Variants in ZNF691 observed in about 807,000 individuals in gnomAD.
ZNF691 encodes the protein zinc finger protein 691.
Under a neutral mutation model 24.1 loss-of-function variants are expected in ZNF691, and 11 were observed. The ratio of observed to expected loss-of-function variants is 0.46; its 90% confidence interval spans 0.29 to 0.75. The LOEUF (loss-of-function observed/expected upper bound fraction) is 0.75, where lower values mean the gene tolerates loss of function less well. ZNF691 is among the 30% of genes least tolerant of loss of function. The pLI, the probability that ZNF691 is intolerant of heterozygous loss-of-function variation, is 0.11. For missense variants in ZNF691, 356 were observed against 409.0 expected (o/e 0.87, Z 1.12); for synonymous variants, 149 against 153.9 (o/e 0.97, Z 0.23).
intron 1 of ZNF691, among the ~76,000 whole-genome samples, chr1:42,847,198 C>G (rs867533406): frequency 3.9e-5 from 6 of 152,200 alleles, no homozygotes; most frequent in Non-Finnish European, 7.3e-5. Context: ...GCACCTTGCT[C>G]TTGGTCTTTC....
rs1225207720 is a variant in ZNF691 at position 42,851,963 on chromosome 1, C to G, written c.*150C>G. 8.0e-7 allele frequency: 1 copy of G among 1,246,430 alleles called. No homozygotes were observed. Among genetic ancestry groups the G allele is most frequent in the Non-Finnish European group, 1.2e-6 (1 of 869,192 alleles). The allele number at this position is 1,246,430 out of a possible 1,614,324, so 77.2% of individuals were successfully genotyped here. A position where few individuals can be genotyped will look rare whatever the true frequency, so the allele number is the denominator to read the frequency against. ...TGTATAGCCTCTGAAGTCAGGATCT[C>G]AGGAAGTCCTGAGGAGGGACTCTGG... On this transcript the variant is annotated 3_prime_UTR_variant, in exon 4 of 4. Coordinates refer to ENST00000651192, the MANE Select transcript of ZNF691 (RefSeq NM_001242739.2). This position sits in a 1 kb window ranked among gnomAD's most constrained non-coding sequence, Gnocchi z 4.7.
At chr1:42,850,792 A>G in intron 3 of ZNF691, 158 bp from the exon 4 acceptor site, 2 of 1,549,240 alleles carry the variant, frequency 1.3e-6, no homozygotes, top group Non-Finnish European at 1.7e-6. Flanking sequence ...AAAGGTAGCA[A>G]GTAAAGGTAT....
chr1:42,850,586 A>T, intron 3 of ZNF691: 1 of 1,510,022 alleles, frequency 6.6e-7, no homozygotes, highest in East Asian at 2.5e-5. Flanking sequence ...GTTAGGCAGA[A>T]AAATTGAACT....
chr1:42,846,657 G>A lies in ZNF691; in HGVS notation c.-218G>A, dbSNP rs1450784479. The A allele has an allele frequency of 6.6e-6, 1 of 152,440 alleles. No individual in the cohort carries two copies. The highest frequency in any genetic ancestry group is 1.5e-5 in the Non-Finnish European group (1 of 68,220). 9.4% of individuals were successfully genotyped at this position (152,440 alleles called of 1,614,324 possible). On this transcript the variant is annotated splice_region_variant and 5_prime_UTR_variant, in exon 1 of 4. Coordinates refer to ENST00000651192, the MANE Select transcript of ZNF691 (RefSeq NM_001242739.2). The stretch of plus-strand genomic sequence containing the variant: ...GTCCCTGATCGAGCGGCGGGAGCGA[G>A]GTGGGTCCGGGTTGGGCCCGAGGTC...
intron 1 of ZNF691, among the ~76,000 whole-genome samples, chr1:42,847,785 CT>C (rs1406991765): frequency 6.6e-6 from 1 of 152,260 alleles, no homozygotes; most frequent in African/African-American, 2.4e-5. Context: ...AGTTCTGCCA[CT>C]TACTTGCTGT....
intron 2 of ZNF691, 34 bp from the exon 3 acceptor site, chr1:42,849,531 A>G: frequency 1.3e-6 from 1 of 761,684 alleles, no homozygotes. Flanking sequence ...TGTAGTCAGT[A>G]CCCCTTTCTT....
rs140475363 is a variant in ZNF691, at chr1:42,851,017, G to A, written c.152G>A (p.Gly51Asp). The change falls in exon 4 of 4, where the codon GGT becomes GAT. Residue 51 changes from glycine to aspartate, a missense_variant. Physicochemically the swap from Gly to Asp is moderately conservative, Grantham distance 94 (BLOSUM62 -1). Transcript: ENST00000651192. This position sits in a 1 kb window ranked among gnomAD's most constrained non-coding sequence, Gnocchi z 4.7. The stretch of plus-strand genomic sequence containing the variant: ...CACCTGCCTGAGGAAGGGGAAGGGG[G>A]TAAGCCTTGGAGAGTGGATGACTCA... The part of the protein sequence containing the change: ...EPHLPEEGEG[G>D]KPWRVDDSEG... The A allele has an allele frequency of 6.5e-4, 1,015 of 1,559,060 alleles. 1 individual carries two copies. The highest frequency in any genetic ancestry group is 8.5e-4 in the Non-Finnish European group (986 of 1,155,202).
chr1:42,846,874 G>T (rs1047633913), intron 1 of ZNF691, among the ~76,000 whole-genome samples: 3 of 152,184 alleles, frequency 2.0e-5, no homozygotes, highest in Admixed American at 6.5e-5. Context: ...CCCATTCCCC[G>T]GCCCTTCTGT....
Position 42,849,415 on chromosome 1 carries a change from T to A in ZNF691, c.-95+2T>A. The A allele has an allele frequency of 1.6e-6, 1 of 634,556 alleles. No individual in the cohort carries two copies. Among genetic ancestry groups the A allele is most frequent in the Non-Finnish European group, 2.9e-6 (1 of 341,642 alleles). The allele number at this position is 634,556 out of a possible 1,614,324, so 39.3% of individuals were successfully genotyped here. A position where few individuals can be genotyped will look rare whatever the true frequency, so the allele number is the denominator to read the frequency against. On this transcript the variant is annotated splice_donor_variant, in intron 2 of 3. Coordinates refer to ENST00000651192, the MANE Select transcript of ZNF691 (RefSeq NM_001242739.2). LOFTEE classifies it low-confidence loss of function (5UTR_SPLICE). ...CTAATACAAAGTCTTGTAGTGTGGG[T>A]AGGTATCACAATTTTAGTGAAGAGG...
Position 42,851,594 on chromosome 1 carries a change from CG to C in ZNF691, c.730del (p.Val244CysfsTer80). 1 of 1,614,120 alleles carries C rather than the reference CG, an allele frequency of 6.2e-7. No homozygotes were observed. ...KSFSNSSSFG[V>X]HHRTHTGERP... Reference sequence around the variant, plus strand: ...GCTTCAGCAACAGCTCCAGCTTTGGCGTGCATCACCGCACCCACACAGGTGA... The same window carrying C: ...GCTTCAGCAACAGCTCCAGCTTTGGCTGCATCACCGCACCCACACAGGTGA... On this transcript the variant is annotated frameshift_variant, in exon 4 of 4. Transcript: ENST00000651192. LOFTEE classifies it high-confidence loss of function. This position sits in a 1 kb window ranked among gnomAD's most constrained non-coding sequence, Gnocchi z 4.7.
rs756441847 is a variant in ZNF691, at chr1:42,851,637, A to G, written c.772A>G (p.Thr258Ala). The change falls in exon 4 of 4, where the codon ACT becomes GCT. Residue 258 changes from threonine to alanine, a missense_variant. Transcript: ENST00000651192. This position sits in a 1 kb window ranked among gnomAD's most constrained non-coding sequence, Gnocchi z 4.7. ...CACAGGTGAGAGACCTTATGAGTGC[A>G]CTGAGTGTGGGCGGACCTTCAGCGA... ...THTGERPYEC[T>A]ECGRTFSDIS... 6.8e-6 allele frequency: 11 copies of G among 1,613,844 alleles called. No individual in the cohort carries two copies. Among genetic ancestry groups the G allele is most frequent in the Middle Eastern group, 1.6e-4 (1 of 6,084 alleles).
At chr1:42,847,363 TCTTAA>T (rs2124383404) in intron 1 of ZNF691, among the ~76,000 whole-genome samples, 1 of 152,114 alleles carries the variant, frequency 6.6e-6, no homozygotes, top group East Asian at 1.9e-4. Context: ...TCTTCTTGGC[TCTTAA>T]CTTCTTAGAC....
chr1:42,852,100 T>C lies in ZNF691; in HGVS notation c.*287T>C. 1.9e-6 allele frequency: 1 copy of C among 529,018 alleles called. No individual in the cohort carries two copies. Among genetic ancestry groups the C allele is most frequent in the Non-Finnish European group, 3.5e-6 (1 of 282,520 alleles). 32.8% of individuals were successfully genotyped at this position (529,018 alleles called of 1,614,324 possible). A position where few individuals can be genotyped will look rare whatever the true frequency, so the allele number is the denominator to read the frequency against. ...AGAGAAATAGGGTAGGCTCAGAACA[T>C]GCTCATGTTATTAAGGCAGCAGTCC... On this transcript the variant is annotated 3_prime_UTR_variant, in exon 4 of 4. Coordinates refer to ENST00000651192, the MANE Select transcript of ZNF691 (RefSeq NM_001242739.2).
At chr1:42,846,685 G>C (rs1655245611) in intron 1 of ZNF691, 28 bp downstream of exon 1, 1 of 152,546 alleles carries the variant, frequency 6.6e-6, no homozygotes, top group African/African-American at 2.4e-5. Context: ...CCGAGGTCGC[G>C]GGGGGAGGCG....
chr1:42,850,847 G>A (rs376868971), intron 3 of ZNF691, 103 bp from the exon 4 acceptor site: 13 of 1,572,992 alleles, frequency 8.3e-6, no homozygotes, highest in South Asian at 8.1e-5. Flanking sequence ...CTAATGGATG[G>A]TCCCATGGGG....
rs1299584907 is a variant in ZNF691, at chr1:42,850,968, GAGA to G, written c.106_108del (p.Lys36del). 1 of 1,535,160 alleles carries G rather than the reference GAGA, an allele frequency of 6.5e-7. No individual in the cohort carries two copies. The highest frequency in any genetic ancestry group is 1.3e-5 in the South Asian group (1 of 76,328). On this transcript the variant is annotated inframe_deletion, in exon 4 of 4. Transcript: ENST00000651192. Reference sequence around the variant, plus strand: ...TTCTCAGGGTTCAGAGATGGGCAGTGAGAAGGAGCAGAGTCCAGAACCACACCT... The same window carrying G: ...TTCTCAGGGTTCAGAGATGGGCAGTGAGGAGCAGAGTCCAGAACCACACCT...
intron 3 of ZNF691, among the ~76,000 whole-genome samples, chr1:42,850,180 C>A (rs538894498): frequency 7.3e-6 from 1 of 137,314 alleles, no homozygotes; most frequent in East Asian, 2.2e-4. Flanking sequence ...GAGAATATGG[C>A]TTTGTGTATG....
chr1:42,847,606 T>C (rs1655275453), intron 1 of ZNF691, among the ~76,000 whole-genome samples: 1 of 152,228 alleles, frequency 6.6e-6, no homozygotes, highest in African/African-American at 2.4e-5. Flanking sequence ...AAATACCTAC[T>C]CCTCCTTGAA....
chr1:42,850,725 G>A (rs1187431632), intron 3 of ZNF691: 2 of 1,550,482 alleles, frequency 1.3e-6, no homozygotes, highest in Non-Finnish European at 1.7e-6. Context: ...GACAAAGCCG[G>A]TGCCTTCTTT....
Sources: gnomAD v4.1 joint callset for allele counts (sites outside exome capture counted in the v4.1 genomes callset) on GRCh38, gnomAD v4.1.1 for gene constraint, Gnocchi (gnomAD v3.1) non-coding constraint, MANE v1.5 for transcripts, NCBI Gene and HGNC (gene_info 2026-07-23, HGNC 2026-07-21) for gene names.